FRMPD1: variants seen among roughly 807,000 people sequenced by gnomAD.
FRMPD1 encodes FERM and PDZ domain containing 1, also known as FERM and PDZ domain-containing protein 1.
Under a neutral mutation model 117.8 loss-of-function variants are expected in FRMPD1, and 76 were observed. The ratio of observed to expected loss-of-function variants is 0.65; its 90% CI spans 0.54 to 0.78. The LOEUF (loss-of-function observed/expected upper bound fraction) is 0.78. Among genes scored for constraint, FRMPD1 ranks in the 30% least tolerant of loss-of-function variants. The probability of loss-of-function intolerance (pLI) is 0.00; values close to 1 mark genes in which losing one functional copy is unlikely to be tolerated. For missense variants in FRMPD1, 1,786 were observed against 1,964.5 expected, an observed-to-expected ratio of 0.91 and a Z score of 1.72; for synonymous variants, 783 against 770.4, an observed-to-expected ratio of 1.02 and a Z score of -0.27.
intron 1 of FRMPD1, among the ~76,000 whole-genome samples, chr9:37,664,281 T>TTATGTATG (rs751709624): frequency 1.3e-5 from 2 of 151,148 alleles, no homozygotes; most frequent in Non-Finnish European, 2.9e-5. Flanking sequence ...GCATCGACAT[T>TTATGTATG]TATGTATGTA....
rs1823856447 is a variant in FRMPD1 at position 37,731,051 on chromosome 9, C to T, written c.806C>T (p.Pro269Leu). The T allele has an allele frequency of 6.2e-7, 1 of 1,613,392 alleles. No homozygotes were observed. Among genetic ancestry groups the T allele is most frequent in the Non-Finnish European group, 8.5e-7 (1 of 1,179,326 alleles). ...AGGGTCTGTTTTGTTCCCAAGGACC[C>T]CCTGGACCTCCTGAAAGAAGACCCC... The part of the protein sequence containing the change: ...LFRVCFVPKD[P>L]LDLLKEDPVA... Residue 269 changes from proline (P) to leucine (L), a missense_variant, in exon 9 of 16, where the codon CCC (proline) becomes CTC (leucine). By Grantham distance (98) the Pro-to-Leu change is moderately conservative. Transcript: ENST00000377765.
At chr9:37,719,635 C>A (rs1169009366) in intron 6 of FRMPD1, among the ~76,000 whole-genome samples, 3 of 152,068 alleles carry the variant, frequency 2.0e-5, no homozygotes, top group Non-Finnish European at 4.4e-5. Flanking sequence ...ATCACAATAC[C>A]CTGCAAGGGA....
intron 1 of FRMPD1, among the ~76,000 whole-genome samples, chr9:37,666,356 C>T (rs1455277112): frequency 6.6e-6 from 1 of 152,186 alleles, no homozygotes; most frequent in African/African-American, 2.4e-5. Flanking sequence ...TAGTCCCACA[C>T]TTAAGGCCTT....
chr9:37,619,911 C>G, the FRMPD1 span, among the ~76,000 whole-genome samples: 28 of 139,674 alleles, frequency 2.0e-4, no homozygotes, highest in East Asian at 5.0e-3. Context: ...ACTGAGTAGA[C>G]AGGGGAAAAA....
chr9:37,634,532 T>A, the FRMPD1 span, among the ~76,000 whole-genome samples: 1 of 152,232 alleles, frequency 6.6e-6, no homozygotes, highest in Non-Finnish European at 1.5e-5. Flanking sequence ...ATAATCCTTG[T>A]CCTTCCTGTG....
At chr9:37,626,243 T>C in the FRMPD1 span, among the ~76,000 whole-genome samples, 1 of 151,584 alleles carries the variant, frequency 6.6e-6, no homozygotes, top group Non-Finnish European at 1.5e-5. Context: ...CAGGGAGAAT[T>C]GCTTGAACCC....
the FRMPD1 span, among the ~76,000 whole-genome samples, chr9:37,632,763 G>C: frequency 6.6e-6 from 1 of 152,110 alleles, no homozygotes; most frequent in Non-Finnish European, 1.5e-5. Context: ...TGAGTCCTTA[G>C]TGCAACTTGT....
the FRMPD1 span, among the ~76,000 whole-genome samples, chr9:37,603,944 G>A: frequency 6.6e-6 from 1 of 152,162 alleles, no homozygotes; most frequent in South Asian, 2.1e-4. Flanking sequence ...CCTCCAAAGT[G>A]CTGGGATTAC....
At chr9:37,732,488 C>G in intron 10 of FRMPD1, 48 bp downstream of exon 10, 1 of 1,551,620 alleles carries the variant, frequency 6.4e-7, no homozygotes, top group South Asian at 1.2e-5. Flanking sequence ...ACTTGCTGGC[C>G]CCTGGCCAGG....
At chr9:37,737,575 G>A (rs1206583440) in intron 14 of FRMPD1, among the ~76,000 whole-genome samples, 2 of 152,122 alleles carry the variant, frequency 1.3e-5, no homozygotes. Context: ...TGTAATCCCA[G>A]CACTTTGTGA....
At chr9:37,732,601 C>T (rs1187335996) in intron 10 of FRMPD1, among the ~76,000 whole-genome samples, 161 bp downstream of exon 10, 3 of 152,202 alleles carry the variant, frequency 2.0e-5, no homozygotes, top group Non-Finnish European at 2.9e-5. Context: ...ACCTGGCTCC[C>T]CCAGATGTCT....
At chr9:37,708,570 A>G (rs1425407798) in intron 4 of FRMPD1, 69 bp downstream of exon 4, 1 of 938,622 alleles carries the variant, frequency 1.1e-6, no homozygotes, top group African/African-American at 1.6e-5. Flanking sequence ...GGCAACAGGA[A>G]TGGCATAACT....
chr9:37,625,796 G>T, the FRMPD1 span, among the ~76,000 whole-genome samples: 8 of 152,234 alleles, frequency 5.3e-5, no homozygotes, highest in Non-Finnish European at 1.0e-4. Context: ...CTCCAAAGAG[G>T]AGCCCTCCTC....
chr9:37,689,678 A>G (rs1822067156), intron 1 of FRMPD1, among the ~76,000 whole-genome samples: 1 of 152,122 alleles, frequency 6.6e-6, no homozygotes, highest in African/African-American at 2.4e-5. Context: ...GTTTTGGAGG[A>G]GCACATCCTC....
At chr9:37,712,659 A>T (rs766238977) in intron 5 of FRMPD1, among the ~76,000 whole-genome samples, 3 of 152,206 alleles carry the variant, frequency 2.0e-5, no homozygotes, top group Non-Finnish European at 4.4e-5. Context: ...CCAGGCCAGA[A>T]CTGTACTTCT....
chr9:37,701,183 G>A (rs571456669), intron 2 of FRMPD1, among the ~76,000 whole-genome samples: 12 of 152,260 alleles, frequency 7.9e-5, no homozygotes, highest in East Asian at 5.8e-4. Flanking sequence ...GGAAGATAAC[G>A]GAGCCTGCCC....
intron 1 of FRMPD1, among the ~76,000 whole-genome samples, chr9:37,683,769 G>T (rs1475877432): frequency 1.3e-5 from 2 of 151,700 alleles, no homozygotes; most frequent in Admixed American, 1.3e-4. Flanking sequence ...GATGAAGTTG[G>T]CGGGTAGGCA....
intron 1 of FRMPD1, among the ~76,000 whole-genome samples, chr9:37,656,616 C>T (rs1241419406): frequency 6.6e-6 from 1 of 152,066 alleles, no homozygotes. Flanking sequence ...AATATATGTT[C>T]ATGGAAGCAG....
chr9:37,642,383 T>A, the FRMPD1 span, among the ~76,000 whole-genome samples: 1 of 152,070 alleles, frequency 6.6e-6, no homozygotes, highest in African/African-American at 2.4e-5. Flanking sequence ...ATCATCCCTC[T>A]CCCCTTCAAT....
Sources: allele counts gnomAD v4.1 joint callset (sites outside exome capture counted in the v4.1 genomes callset), GRCh38; gene constraint gnomAD v4.1.1; transcripts MANE v1.5; gene names NCBI Gene and HGNC (gene_info 2026-07-23, HGNC 2026-07-21).